DLGAP2: variants seen among roughly 807,000 people sequenced by gnomAD.
DLGAP2 encodes disks large-associated protein 2.
DLGAP2 carries 26 observed loss-of-function variants against 100.3 expected under a neutral mutation model. The ratio of observed to expected loss-of-function variants is 0.26; its 90% CI spans 0.19 to 0.36. The LOEUF (loss-of-function observed/expected upper bound fraction) is 0.36, where lower values mean the gene tolerates loss of function less well. DLGAP2 is among the 10% of genes least tolerant of loss of function. The probability of loss-of-function intolerance (pLI) is 1.00; values close to 1 mark genes in which losing one functional copy is unlikely to be tolerated. For missense variants in DLGAP2, 1,858 were observed against 1,453.2 expected, an observed-to-expected ratio of 1.28 and a Z score of -4.53; for synonymous variants, 886 against 630.1, an observed-to-expected ratio of 1.41 and a Z score of -6.08.
chr8:812,387 C>G (rs528483140), intron 1 of DLGAP2, among the ~76,000 whole-genome samples: 1 of 152,170 alleles, frequency 6.6e-6, no homozygotes, highest in South Asian at 2.1e-4. Flanking sequence ...TCCCTGCCTC[C>G]CAGCCTCTTG....
chr8:1,232,922 C>T (rs1270083974), intron 2 of DLGAP2, among the ~76,000 whole-genome samples: 4 of 152,218 alleles, frequency 2.6e-5, no homozygotes, highest in African/African-American at 4.8e-5. Context: ...TTAGTAACCA[C>T]TCCCATTCTA....
intron 3 of DLGAP2, among the ~76,000 whole-genome samples, chr8:1,472,636 A>G (rs1430953660): frequency 1.3e-5 from 2 of 152,186 alleles, no homozygotes; most frequent in Non-Finnish European, 2.9e-5. Context: ...ATACAGGTTC[A>G]GAATCGAAGC....
chr8:1,271,155 C>G (rs1373730223), intron 3 of DLGAP2, among the ~76,000 whole-genome samples: 1 of 152,050 alleles, frequency 6.6e-6, no homozygotes, highest in Non-Finnish European at 1.5e-5. Context: ...CATAAACCCA[C>G]AAAAAAGAAA....
chr8:1,287,701 G>T (rs1799971469), intron 3 of DLGAP2, among the ~76,000 whole-genome samples: 12 of 37,884 alleles, frequency 3.2e-4, no homozygotes, highest in African/African-American at 9.2e-4. Context: ...TTCAGTGTGT[G>T]TGTGTGTGTG....
chr8:1,039,750 C>G (rs1214614632), intron 2 of DLGAP2, among the ~76,000 whole-genome samples: 2 of 126,352 alleles, frequency 1.6e-5, no homozygotes, highest in Non-Finnish European at 3.2e-5. Flanking sequence ...AGCTCGGTTT[C>G]TGTAGTCGGC....
At position 1,568,584 on chromosome 8, in the gene DLGAP2, G is replaced by A. The variant is rs181315909; in HGVS notation, c.1442+2690G>A. On this transcript the variant is annotated intron_variant, in intron 6 of 14. Transcript: ENST00000637795. ...CTGTCTACTCAGCAGACACAAATCC[G>A]TCTCTGCCCGTGGCCCCCATGCCAC... Among the ~76,000 whole-genome samples, 851 of 81,976 alleles carry A rather than the reference G, an allele frequency of 0.01. 48 individuals carry two copies. In the Admixed American group the frequency reaches 0.1, roughly 10 times the overall value. 53.8% of individuals were successfully genotyped at this position (81,976 alleles called of 152,430 possible). A position where few individuals can be genotyped will look rare whatever the true frequency, so the allele number is the denominator to read the frequency against.
intron 2 of DLGAP2, among the ~76,000 whole-genome samples, chr8:1,166,736 T>C (rs538040445): frequency 2.2e-4 from 34 of 152,314 alleles, no homozygotes; most frequent in African/African-American, 7.0e-4. Flanking sequence ...AGTTTACCTC[T>C]CAATAAATTA....
At chr8:1,320,311 A>T (rs1800865567) in intron 3 of DLGAP2, among the ~76,000 whole-genome samples, 1 of 152,088 alleles carries the variant, frequency 6.6e-6, no homozygotes, top group Non-Finnish European at 1.5e-5. Context: ...AGCTACCAGG[A>T]GATGCCTGGA....
At chr8:1,485,257 A>T (rs1466680973) in intron 3 of DLGAP2, among the ~76,000 whole-genome samples, 1 of 152,262 alleles carries the variant, frequency 6.6e-6, no homozygotes, top group African/African-American at 2.4e-5. Flanking sequence ...TAGGTTGATT[A>T]GCCAGACCCA....
chr8:1,044,490 A>G (rs1031258970), intron 2 of DLGAP2, among the ~76,000 whole-genome samples: 1 of 152,184 alleles, frequency 6.6e-6, no homozygotes, highest in Non-Finnish European at 1.5e-5. Context: ...ACGCAGTCCT[A>G]GCGCTGAAAT....
At chr8:1,592,019 G>T (rs755447396) in intron 6 of DLGAP2, among the ~76,000 whole-genome samples, 2 of 152,148 alleles carry the variant, frequency 1.3e-5, no homozygotes, top group Non-Finnish European at 2.9e-5. Context: ...CCTGCCACAC[G>T]ATTCTGCTGG....
At chr8:1,375,112 A>C (rs994153623) in intron 3 of DLGAP2, among the ~76,000 whole-genome samples, 29 of 146,074 alleles carry the variant, frequency 2.0e-4, no homozygotes, top group African/African-American at 6.3e-4. Flanking sequence ...CCCACCTCCT[A>C]CATTTGGGTT....
At chr8:1,415,458 C>CG (rs1251154502) in intron 3 of DLGAP2, among the ~76,000 whole-genome samples, 3 of 132,072 alleles carry the variant, frequency 2.3e-5, no homozygotes, top group Non-Finnish European at 5.1e-5. Flanking sequence ...CTTCCCCAGC[C>CG]CCTTTTTCCC....
intron 2 of DLGAP2, among the ~76,000 whole-genome samples, chr8:1,078,357 C>G (rs905603646): frequency 5.3e-5 from 8 of 152,204 alleles, no homozygotes; most frequent in African/African-American, 1.9e-4. Flanking sequence ...CTGTTAGCGT[C>G]TCACATGAGG....
chr8:1,449,370 G>C (rs548770052), intron 3 of DLGAP2, among the ~76,000 whole-genome samples: 8 of 152,222 alleles, frequency 5.3e-5, no homozygotes, highest in Non-Finnish European at 1.0e-4. Flanking sequence ...GGCAGCTGCA[G>C]GAATTCTCTC....
intron 6 of DLGAP2, among the ~76,000 whole-genome samples, chr8:1,598,163 T>G (rs1796517630): frequency 6.6e-6 from 1 of 152,216 alleles, no homozygotes; most frequent in Non-Finnish European, 1.5e-5. Context: ...TGATAGATTA[T>G]GTTTACTGAT....
At chr8:1,600,651 C>A (rs1430060657) in intron 6 of DLGAP2, among the ~76,000 whole-genome samples, 1 of 152,148 alleles carries the variant, frequency 6.6e-6, no homozygotes, top group African/African-American at 2.4e-5. Context: ...ATCCTTTCTT[C>A]ATTTGATTGA....
chr8:1,008,328 A>G (rs747975483), intron 2 of DLGAP2, among the ~76,000 whole-genome samples: 1 of 152,228 alleles, frequency 6.6e-6, no homozygotes, highest in Non-Finnish European at 1.5e-5. Flanking sequence ...CTTCCTTTGC[A>G]CAACGAGTGT....
At chr8:984,591 T>G (rs759407561) in intron 2 of DLGAP2, among the ~76,000 whole-genome samples, 6 of 151,848 alleles carry the variant, frequency 4.0e-5, no homozygotes, top group Non-Finnish European at 8.8e-5. Flanking sequence ...GGCGCAGTAG[T>G]AAGAACAGCT....
Sources: allele counts gnomAD v4.1 joint callset (sites outside exome capture counted in the v4.1 genomes callset), GRCh38; gene constraint gnomAD v4.1.1; transcripts MANE v1.5; gene names NCBI Gene and HGNC (gene_info 2026-07-23, HGNC 2026-07-21).